Variants in RTN1 observed in about 807,000 individuals in gnomAD.
RTN1 encodes reticulon 1, also known as reticulon-1.
In RTN1, 25 loss-of-function variants were observed where a neutral mutation model predicts 65.5. That is an observed-to-expected ratio of 0.38 (90% CI 0.28 to 0.53). RTN1 has a LOEUF of 0.53. Among genes scored for constraint, RTN1 ranks in the 20% least tolerant of loss-of-function variants. The pLI, the probability that RTN1 is intolerant of heterozygous loss-of-function variation, is 0.79. For synonymous variants in RTN1, 471 were observed against 447.6 expected, an observed-to-expected ratio of 1.05 and a Z score of -0.66; for missense variants, 983 against 1,025.4, an observed-to-expected ratio of 0.96 and a Z score of 0.57.
At position 59,745,835 on chromosome 14, in the gene RTN1, G is replaced by A. The variant is rs369834065; in HGVS notation, c.888C>T (p.Thr296=). 2.7e-5 allele frequency: 43 copies of A among 1,613,924 alleles called. No individual in the cohort carries two copies. Among genetic ancestry groups the A allele is most frequent in the Non-Finnish European group, 3.5e-5 (41 of 1,180,020 alleles). ...CTTGCTTCTCAGGGGTCTTCTCTTG[G>A]GTAGTGGTTTCAACAGAAGGTTCTA... ...TEIEPSVETT[T]QEKTPEKQDI... The change falls in exon 2 of 9, where the codon ACC becomes ACT. Residue 296 remains threonine, a synonymous_variant. Transcript: ENST00000267484.
intron 1 of RTN1, among the ~76,000 whole-genome samples, chr14:59,764,246 A>T (rs1246087710): frequency 6.6e-6 from 1 of 152,234 alleles, no homozygotes; most frequent in Non-Finnish European, 1.5e-5. Flanking sequence ...GACTGGGAAC[A>T]AGCAGTCCAA....
chr14:59,718,276 G>A (rs1251816960), intron 3 of RTN1, among the ~76,000 whole-genome samples: 3 of 152,206 alleles, frequency 2.0e-5, no homozygotes, highest in Non-Finnish European at 4.4e-5. Context: ...ATGGCCGACT[G>A]CAGTCTTGAG....
intron 3 of RTN1, among the ~76,000 whole-genome samples, chr14:59,651,175 T>A (rs1343131984): frequency 1.3e-5 from 2 of 152,018 alleles, no homozygotes; most frequent in Non-Finnish European, 2.9e-5. Context: ...ATGGTCCTGG[T>A]ACAAAAACAG....
intron 1 of RTN1, among the ~76,000 whole-genome samples, chr14:59,779,123 G>A (rs1886106751): frequency 6.6e-6 from 1 of 152,036 alleles, no homozygotes; most frequent in East Asian, 1.9e-4. Context: ...AGTAATAAGG[G>A]CCCTTGCAGT....
chr14:59,661,776 A>G (rs1883253752), intron 3 of RTN1, among the ~76,000 whole-genome samples: 1 of 152,226 alleles, frequency 6.6e-6, no homozygotes, highest in Admixed American at 6.5e-5. Context: ...TATTTATGAC[A>G]AACCCACAAC....
chr14:59,832,569 T>C (rs558641518), intron 1 of RTN1, among the ~76,000 whole-genome samples: 27 of 152,352 alleles, frequency 1.8e-4, no homozygotes, highest in Non-Finnish European at 3.4e-4. Context: ...AGCCAACATC[T>C]TTCTAAAGCT....
At chr14:59,755,745 T>C (rs895240313) in intron 1 of RTN1, among the ~76,000 whole-genome samples, 1 of 152,206 alleles carries the variant, frequency 6.6e-6, no homozygotes, top group African/African-American at 2.4e-5. Context: ...ACATGACAAA[T>C]GGGTACTGAG....
chr14:59,736,048 G>C (rs1884995187), intron 2 of RTN1, among the ~76,000 whole-genome samples: 2 of 152,138 alleles, frequency 1.3e-5, no homozygotes, highest in South Asian at 4.1e-4. Flanking sequence ...GCAGTGTTAA[G>C]AGGGAAATTT....
intron 1 of RTN1, among the ~76,000 whole-genome samples, chr14:59,818,467 T>G (rs1886861525): frequency 6.6e-6 from 1 of 152,272 alleles, no homozygotes; most frequent in Non-Finnish European, 1.5e-5. Context: ...ACTCACACAG[T>G]GCCTGAGACA....
At chr14:59,720,560 A>G (rs1458919242) in intron 3 of RTN1, among the ~76,000 whole-genome samples, 1 of 152,024 alleles carries the variant, frequency 6.6e-6, no homozygotes. Flanking sequence ...TGTCTCTACC[A>G]AAAAATACAA....
Position 59,641,306 on chromosome 14 carries a change from T to A in RTN1, c.1766-33814A>T, listed in dbSNP as rs186306154. ...TGCCTTCTTTGAAATTAATCAAGTATATTTTTATAAATCATTTCTTCTAAT... is the reference window on the plus strand; with the variant it reads ...TGCCTTCTTTGAAATTAATCAAGTAAATTTTTATAAATCATTTCTTCTAAT... On this transcript the variant is annotated intron_variant, in intron 3 of 8. Coordinates refer to ENST00000267484, the MANE Select transcript of RTN1 (RefSeq NM_021136.3). 1.9e-3 allele frequency among the ~76,000 whole-genome samples: 291 copies of A among 152,246 alleles called. 1 individual carries two copies. The highest frequency in any genetic ancestry group is 3.3e-3 in the Non-Finnish European group (223 of 68,002).
chr14:59,850,442 G>C (rs1887483576), intron 1 of RTN1, among the ~76,000 whole-genome samples: 1 of 152,068 alleles, frequency 6.6e-6, no homozygotes, highest in Non-Finnish European at 1.5e-5. Flanking sequence ...TGGTTGTATG[G>C]GTACACAAAG....
At chr14:59,680,187 G>A (rs1185587310) in intron 3 of RTN1, among the ~76,000 whole-genome samples, 1 of 152,028 alleles carries the variant, frequency 6.6e-6, no homozygotes, top group Non-Finnish European at 1.5e-5. Flanking sequence ...TTTGCTCTGG[G>A]GAAAAAATGG....
intron 3 of RTN1, among the ~76,000 whole-genome samples, chr14:59,643,161 C>A (rs1468180427): frequency 2.0e-5 from 3 of 152,152 alleles, no homozygotes; most frequent in African/African-American, 7.2e-5. Context: ...GTAATCCCAG[C>A]ACTTTGGGAG....
At position 59,745,830 on chromosome 14, in the gene RTN1, T is replaced by C. The variant is rs1885205984; in HGVS notation, c.893A>G (p.Glu298Gly). 6.2e-7 allele frequency: 1 copy of C among 1,613,988 alleles called. No individual in the cohort carries two copies. Among genetic ancestry groups the C allele is most frequent in the South Asian group, 1.1e-5 (1 of 91,066 alleles). ...IEPSVETTTQ[E>G]KTPEKQDICL... ...TATATCTTGCTTCTCAGGGGTCTTC[T>C]CTTGGGTAGTGGTTTCAACAGAAGG... The change falls in exon 2 of 9, where the codon GAG (glutamate) becomes GGG (glycine). Residue 298 changes from glutamate to glycine, a missense_variant. Physicochemically the swap from Glu to Gly is moderately conservative, Grantham distance 98. Transcript: ENST00000267484.
intron 3 of RTN1, among the ~76,000 whole-genome samples, chr14:59,672,310 A>G (rs1226492047): frequency 6.6e-6 from 1 of 152,230 alleles, no homozygotes; most frequent in Non-Finnish European, 1.5e-5. Context: ...GCACCTCAAC[A>G]TAAAAAGCCA....
At position 59,603,324 on chromosome 14, in the gene RTN1, AT is replaced by A. The variant is rs1277239066; in HGVS notation, c.2183-67del. 1.9e-5 allele frequency: 22 copies of A among 1,186,150 alleles called. No individual in the cohort carries two copies. The African/African-American group carries it at 2.2e-4, about 12-fold the overall frequency. The allele number at this position is 1,186,150 out of a possible 1,614,324, so 73.5% of individuals were successfully genotyped here. ...TCAATAAGAATACGCTTATAGACAC[AT>A]TTTTATATGGTTATATGATATTATA... On this transcript the variant is annotated intron_variant, in intron 6 of 8. Transcript: ENST00000267484.
chr14:59,713,324 G>C (rs1170693655), intron 3 of RTN1, among the ~76,000 whole-genome samples: 2 of 152,224 alleles, frequency 1.3e-5, no homozygotes, highest in Non-Finnish European at 2.9e-5. Flanking sequence ...TGTGATTCTA[G>C]TTGCGGATTC....
chr14:59,646,034 A>G (rs1045262880), intron 3 of RTN1, among the ~76,000 whole-genome samples: 9 of 152,252 alleles, frequency 5.9e-5, no homozygotes, highest in African/African-American at 1.9e-4. Flanking sequence ...GTTCCAGAGA[A>G]TGGCAAAATC....
Sources: gnomAD v4.1 joint callset for allele counts (sites outside exome capture counted in the v4.1 genomes callset) on GRCh38, gnomAD v4.1.1 for gene constraint, MANE v1.5 for transcripts, NCBI Gene and HGNC (gene_info 2026-07-23, HGNC 2026-07-21) for gene names.